The following CBLN2 variants were observed in gnomAD, a reference collection of about 807,000 sequenced individuals.
CBLN2 encodes cerebellin 2 precursor.
A neutral mutation model predicts 15.0 loss-of-function variants in CBLN2; 7 were observed. The observed-to-expected ratio is 0.47, with a 90% confidence interval of 0.27 to 0.88. The LOEUF is 0.88. Among genes scored for constraint, CBLN2 ranks in the 40% least tolerant of loss-of-function variants. The pLI is 0.14. For synonymous variants in CBLN2, 149 were observed against 135.2 expected, an observed-to-expected ratio of 1.10 and a Z score of -0.71; for missense variants, 242 against 304.5, an observed-to-expected ratio of 0.79 and a Z score of 1.53.
At chr18:72,575,894 T>G (rs2069363350) in intron 1 of CBLN2, among the ~76,000 whole-genome samples, 1 of 151,912 alleles carries the variant, frequency 6.6e-6, no homozygotes, top group Non-Finnish European at 1.5e-5. Context: ...ACCACTGGAG[T>G]AAAAATAAAT....
intron 1 of CBLN2, among the ~76,000 whole-genome samples, chr18:72,557,527 A>T (rs1291839538): frequency 6.6e-6 from 1 of 152,184 alleles, no homozygotes; most frequent in Non-Finnish European, 1.5e-5. Context: ...ATTTATCTGT[A>T]ACCTTGCCAA....
At position 72,587,965 on chromosome 18, in the gene CBLN2, A is replaced by T. The variant is rs1333782613; in HGVS notation, c.16-49193T>A. 2.6e-5 allele frequency among the ~76,000 whole-genome samples: 4 copies of T among 152,308 alleles called. No individual in the cohort carries two copies. In the East Asian group the frequency reaches 7.7e-4, roughly 29 times the overall value. The stretch of plus-strand genomic sequence containing the variant: ...GTCCCTGAACATTAGCCAAGTCGAT[A>T]TTTGGCATTACCTAATATTCTTATA... On this transcript the variant is annotated intron_variant, in intron 1 of 2. Coordinates refer to the CBLN2 transcript ENST00000581073.
chr18:72,625,856 C>CAT (rs1262963650), intron 1 of CBLN2, among the ~76,000 whole-genome samples: 5 of 141,944 alleles, frequency 3.5e-5, no homozygotes, highest in African/African-American at 1.3e-4. Flanking sequence ...TACACACACA[C>CAT]ATATACTCTT....
intron 1 of CBLN2, among the ~76,000 whole-genome samples, chr18:72,593,671 A>C (rs1322554949): frequency 6.6e-6 from 1 of 152,172 alleles, no homozygotes; most frequent in Non-Finnish European, 1.5e-5. Flanking sequence ...TATCATGTTG[A>C]GATATGTTCC....
intron 1 of CBLN2, among the ~76,000 whole-genome samples, chr18:72,570,670 T>C (rs2069326524): frequency 6.6e-6 from 1 of 152,048 alleles, no homozygotes; most frequent in Non-Finnish European, 1.5e-5. Context: ...AACACTATCC[T>C]TGCAGGACAT....
At chr18:72,621,910 C>T (rs940666289) in intron 1 of CBLN2, among the ~76,000 whole-genome samples, 1 of 152,072 alleles carries the variant, frequency 6.6e-6, no homozygotes, top group Non-Finnish European at 1.5e-5. Context: ...GCTGAGAAAC[C>T]GATGGATTCA....
intron 1 of CBLN2, among the ~76,000 whole-genome samples, chr18:72,586,466 G>C (rs1267372043): frequency 6.6e-6 from 1 of 152,214 alleles, no homozygotes; most frequent in African/African-American, 2.4e-5. Context: ...GGCTAGAAGA[G>C]AGTGAAACAG....
intron 4 of CBLN2, 114 bp downstream of exon 4, chr18:72,538,539 C>G: frequency 6.7e-7 from 1 of 1,489,774 alleles, no homozygotes; most frequent in East Asian, 2.3e-5. Context: ...CACATCACCC[C>G]CTGGACAGAC....
intron 1 of CBLN2, among the ~76,000 whole-genome samples, chr18:72,569,381 T>C (rs976564365): frequency 2.0e-5 from 3 of 152,176 alleles, no homozygotes; most frequent in African/African-American, 7.2e-5. Context: ...CTTTTCAGTA[T>C]CTGGTTTAAT....
At chr18:72,607,312 A>G (rs374652230) in intron 1 of CBLN2, among the ~76,000 whole-genome samples, 1 of 152,186 alleles carries the variant, frequency 6.6e-6, no homozygotes, top group South Asian at 2.1e-4. Context: ...TAGCAGATGC[A>G]CACAAATCCC....
At chr18:72,557,211 A>G (rs1026337757) in intron 1 of CBLN2, among the ~76,000 whole-genome samples, 4 of 152,072 alleles carry the variant, frequency 2.6e-5, no homozygotes, top group Non-Finnish European at 2.9e-5. Flanking sequence ...CATAAAATGA[A>G]CTCAAACTGA....
intron 1 of CBLN2, among the ~76,000 whole-genome samples, chr18:72,563,457 A>C (rs2069274411): frequency 6.6e-6 from 1 of 151,988 alleles, no homozygotes; most frequent in African/African-American, 2.4e-5. Flanking sequence ...ATTTCCCCCC[A>C]CCCCATAACA....
intron 1 of CBLN2, among the ~76,000 whole-genome samples, chr18:72,604,020 C>T (rs951856290): frequency 6.6e-6 from 1 of 152,328 alleles, no homozygotes; most frequent in East Asian, 1.9e-4. Flanking sequence ...TGACTCTCAA[C>T]TTGCGTCCAG....
Position 72,543,887 on chromosome 18 carries a change from G to A in CBLN2, c.-212+90C>T, listed in dbSNP as rs989460675. 76 of 153,986 alleles carry A rather than the reference G, an allele frequency of 4.9e-4. No individual in the cohort carries two copies. Among genetic ancestry groups the A allele is most frequent in the African/African-American group, 1.7e-3 (72 of 41,634 alleles). The allele number at this position is 153,986 out of a possible 1,614,324, so 9.5% of individuals were successfully genotyped here. ...CCCGCAGCCCCGCCAGTCTCCAGAG[G>A]GCATAGCCGAGCGCTGCCGCCTCCC... On this transcript the variant is annotated intron_variant, in intron 1 of 4. Coordinates refer to ENST00000269503, the MANE Select transcript of CBLN2 (RefSeq NM_182511.4). The surrounding 1 kb of genome is among the most constrained non-coding windows in gnomAD (Gnocchi z 6.8).
chr18:72,595,559 G>A (rs752810712), intron 1 of CBLN2, among the ~76,000 whole-genome samples: 1 of 152,100 alleles, frequency 6.6e-6, no homozygotes, highest in Non-Finnish European at 1.5e-5. Flanking sequence ...TGTAAATTAA[G>A]TCTGATGTTT....
chr18:72,543,134 C>T lies in CBLN2; in HGVS notation c.-167+352G>A, dbSNP rs1433420267. On this transcript the variant is annotated intron_variant, in intron 2 of 4. Coordinates refer to ENST00000269503, the MANE Select transcript of CBLN2 (RefSeq NM_182511.4). The surrounding 1 kb of genome is among the most constrained non-coding windows in gnomAD (Gnocchi z 6.8). Reference sequence around the variant, plus strand: ...ACCACGGGGATTCTCTCTTTCTCAGCGGGGCGGCAGCCCCTGCAGGTTTCT... The same window carrying T: ...ACCACGGGGATTCTCTCTTTCTCAGTGGGGCGGCAGCCCCTGCAGGTTTCT... 4.8e-6 allele frequency: 1 copy of T among 207,446 alleles called. No individual in the cohort carries two copies. Among genetic ancestry groups the T allele is most frequent in the Non-Finnish European group, 9.6e-6 (1 of 104,036 alleles). The allele number at this position is 207,446 out of a possible 1,614,324, so 12.9% of individuals were successfully genotyped here. A position where few individuals can be genotyped will look rare whatever the true frequency, so the allele number is the denominator to read the frequency against.
Position 72,542,236 on chromosome 18 carries a change from G to A in CBLN2, c.-76C>T, listed in dbSNP as rs973280822. On this transcript the variant is annotated 5_prime_UTR_variant, in exon 3 of 5. Transcript: ENST00000269503. ...GCGGCGCGGAAGGGCGCGAAGGAAC[G>A]CGCGGAGCTCGCAGCAGCCTCCGGG... is the stretch of plus-strand genomic sequence containing the variant. 2.4e-5 allele frequency: 24 copies of A among 1,014,724 alleles called. No homozygotes were observed. The highest frequency in any genetic ancestry group is 2.8e-5 in the Non-Finnish European group (23 of 811,742). The allele number at this position is 1,014,724 out of a possible 1,614,324, so 62.9% of individuals were successfully genotyped here. A position where few individuals can be genotyped will look rare whatever the true frequency, so the allele number is the denominator to read the frequency against.
At chr18:72,599,549 A>C (rs1248754429) in intron 1 of CBLN2, among the ~76,000 whole-genome samples, 1 of 152,236 alleles carries the variant, frequency 6.6e-6, no homozygotes, top group Non-Finnish European at 1.5e-5. Context: ...TTTTTTAAAA[A>C]GTATATTACT....
At chr18:72,548,110 G>C (rs908645371), upstream of CBLN2, among the ~76,000 whole-genome samples, 9 of 152,152 alleles carry the variant, frequency 5.9e-5, no homozygotes, top group Admixed American at 5.9e-4. Flanking sequence ...TCGGTGTCTG[G>C]AGTTGTTGAT....
Sources: allele counts gnomAD v4.1 joint callset (sites outside exome capture counted in the v4.1 genomes callset), GRCh38; gene constraint gnomAD v4.1.1; non-coding constraint Gnocchi (gnomAD v3.1); transcripts MANE v1.5; gene names NCBI Gene and HGNC (gene_info 2026-07-23, HGNC 2026-07-21).